KCNH3: variants seen among roughly 807,000 people sequenced by gnomAD.
KCNH3 encodes the protein voltage-gated inwardly rectifying potassium channel KCNH3.
KCNH3 carries 36 observed loss-of-function variants against 95.6 expected under a neutral mutation model. The observed-to-expected ratio is 0.38, with a 90% CI of 0.29 to 0.50. The LOEUF is 0.50. Ranked by LOEUF, KCNH3 falls within the 20% of genes least tolerant of loss-of-function variation. KCNH3 has a pLI of 0.95. For synonymous variants in KCNH3, 620 were observed against 646.3 expected (o/e 0.96, Z 0.62); for missense variants, 1,030 against 1,484.1 (o/e 0.69, Z 5.03).
At position 49,539,356 on chromosome 12, in the gene KCNH3, T is replaced by C. The variant is rs1937787977; in HGVS notation, c.-61T>C. On this transcript the variant is annotated 5_prime_UTR_variant, in exon 1 of 15. Coordinates refer to ENST00000257981, the MANE Select transcript of KCNH3 (RefSeq NM_012284.3). The surrounding 1 kb of genome is among the most constrained non-coding windows in gnomAD (Gnocchi z 6.7). Reference sequence around the variant, plus strand: ...CGGGGGGCGGCCGAGCTGGGCGCCCTCCCCCGGCGCGGAGTCCCCGCACCC... The same window carrying C: ...CGGGGGGCGGCCGAGCTGGGCGCCCCCCCCCGGCGCGGAGTCCCCGCACCC... 1.1e-5 allele frequency: 12 copies of C among 1,138,718 alleles called. 1 individual carries two copies. The highest frequency in any genetic ancestry group is 1.7e-5 in the African/African-American group (1 of 60,462). The allele number at this position is 1,138,718 out of a possible 1,614,324, so 70.5% of individuals were successfully genotyped here. A position where few individuals can be genotyped will look rare whatever the true frequency, so the allele number is the denominator to read the frequency against.
chr12:49,557,233 G>C lies in KCNH3; in HGVS notation c.2626G>C (p.Asp876His), dbSNP rs1286673269. ...TGGGCCCAGCGAGGCAAGGAACACA[G>C]ACACACTGGACAAGCTTCGGCAGGC... ...PHGPSEARNT[D>H]TLDKLRQAVT... The change falls in exon 14 of 15, where the codon GAC (aspartate) becomes CAC (histidine). Residue 876 changes from aspartate to histidine, a missense_variant. By Grantham distance (81) the Asp-to-His change is moderately conservative. Transcript: ENST00000257981. The C allele has an allele frequency of 6.2e-7, 1 of 1,613,914 alleles. No homozygotes were observed. Among genetic ancestry groups the C allele is most frequent in the Non-Finnish European group, 8.5e-7 (1 of 1,180,008 alleles).
chr12:49,557,138 T>G, intron 13 of KCNH3, 45 bp from the exon 14 acceptor site: 1 of 1,601,590 alleles, frequency 6.2e-7, no homozygotes, highest in Non-Finnish European at 8.6e-7. Flanking sequence ...ATTGCCTATC[T>G]CCTCTTACCA....
chr12:49,555,638 A>G lies in KCNH3; in HGVS notation c.2155A>G (p.Ser719Gly). ...TCCCTAGGTGGACACCAGCTCCCTG[A>G]GCGGCGACAATACCCTTATGTCCAC... is the stretch of plus-strand genomic sequence containing the variant. ...GSAEVDTSSL[S>G]GDNTLMSTLE... Residue 719 changes from serine to glycine, a missense_variant, in exon 12 of 15, where the codon AGC becomes GGC. Ser to Gly is a moderately conservative substitution (Grantham distance 56). This residue lies in a region of KCNH3 where 464 missense variants were observed against 493.2 expected (regional missense o/e 0.94). Coordinates refer to ENST00000257981, the MANE Select transcript of KCNH3 (RefSeq NM_012284.3). 3 of 1,550,792 alleles carry G rather than the reference A, an allele frequency of 1.9e-6. No homozygotes were observed. The highest frequency in any genetic ancestry group is 2.6e-6 in the Non-Finnish European group (3 of 1,143,978).
intron 11 of KCNH3, 37 bp from the exon 12 acceptor site, chr12:49,555,583 C>A (rs1305124551): frequency 2.2e-6 from 3 of 1,358,958 alleles, no homozygotes; most frequent in African/African-American, 2.9e-5. Flanking sequence ...ACAATAGTGA[C>A]CATCCATGCC....
rs909293528 is a variant in KCNH3 at position 49,539,333 on chromosome 12, G to T, written c.-84G>T. On this transcript the variant is annotated 5_prime_UTR_variant, in exon 1 of 15. Transcript: ENST00000257981. The surrounding 1 kb of genome is among the most constrained non-coding windows in gnomAD (Gnocchi z 6.7). Reference sequence around the variant, plus strand: ...GCGCTAGGGAGCGCGGGGCCCGGCGGGGGGCGGCCGAGCTGGGCGCCCTCC... The same window carrying T: ...GCGCTAGGGAGCGCGGGGCCCGGCGTGGGGCGGCCGAGCTGGGCGCCCTCC... The T allele has an allele frequency of 9.8e-6, 8 of 816,530 alleles. No homozygotes were observed. The highest frequency in any genetic ancestry group is 1.3e-5 in the Non-Finnish European group (8 of 600,660). 50.6% of individuals were successfully genotyped at this position (816,530 alleles called of 1,614,324 possible).
intron 10 of KCNH3, 73 bp downstream of exon 10, chr12:49,550,402 GGA>G: frequency 6.6e-7 from 1 of 1,508,866 alleles, no homozygotes; most frequent in Non-Finnish European, 8.9e-7. Flanking sequence ...TGGAAAACCT[GGA>G]GAGGGGACCT....
At position 49,554,489 on chromosome 12, in the gene KCNH3, C is replaced by T. The variant is rs775702381; in HGVS notation, c.2071C>T (p.Arg691Cys). ...TGCGCTGTACCCCGAGTTTGCCCCGCGCTTCAGTCGTGGCCTCCGAGGGGA... is the reference window on the plus strand; with the variant it reads ...TGCGCTGTACCCCGAGTTTGCCCCGTGCTTCAGTCGTGGCCTCCGAGGGGA... ...SLALYPEFAP[R>C]FSRGLRGELS... Residue 691 changes from arginine (R) to cysteine (C), a missense_variant, in exon 11 of 15, where the codon CGC (arginine) becomes TGC (cysteine). Around this residue, in one of 9 missense-constraint regions of KCNH3, gnomAD observed 160 missense variants for 316.2 expected, o/e 0.51. Transcript: ENST00000257981. 7 of 1,613,784 alleles carry T rather than the reference C, an allele frequency of 4.3e-6. No homozygotes were observed. The highest frequency in any genetic ancestry group is 1.1e-5 in the South Asian group (1 of 91,088).
chr12:49,541,094 A>G lies in KCNH3; in HGVS notation c.272A>G (p.Lys91Arg), dbSNP rs777669265. Residue 91 changes from lysine (K) to arginine (R), a missense_variant, in exon 2 of 15, where the codon AAG becomes AGG. Around this residue, in one of 9 missense-constraint regions of KCNH3, gnomAD observed 63 missense variants for 107.7 expected, o/e 0.59. Coordinates refer to ENST00000257981, the MANE Select transcript of KCNH3 (RefSeq NM_012284.3). ...ATCCGCAAGGCCCTGGACGAGCACA[A>G]GGAGTTCAAGGCTGAGCTGATCCTG... is the stretch of plus-strand genomic sequence containing the variant. ...QQIRKALDEH[K>R]EFKAELILYR... is the part of the protein sequence containing the mutation. 20 of 1,609,556 alleles carry G rather than the reference A, an allele frequency of 1.2e-5. No homozygotes were observed. The East Asian group carries it at 3.1e-4, about 25-fold the overall frequency.
chr12:49,550,892 T>A (rs1938235628), intron 10 of KCNH3, among the ~76,000 whole-genome samples: 1 of 152,092 alleles, frequency 6.6e-6, no homozygotes, highest in Non-Finnish European at 1.5e-5. Flanking sequence ...GGAAATCAGT[T>A]CCCTAGACGC....
At chr12:49,553,068 C>T (rs1301665188) in intron 10 of KCNH3, among the ~76,000 whole-genome samples, 5 of 152,138 alleles carry the variant, frequency 3.3e-5, no homozygotes, top group Non-Finnish European at 7.3e-5. Context: ...AACTGCCTGG[C>T]GGTGGTTGAG....
chr12:49,554,235 C>T, intron 10 of KCNH3, 102 bp from the exon 11 acceptor site: 1 of 914,446 alleles, frequency 1.1e-6, no homozygotes, highest in Non-Finnish European at 1.8e-6. Context: ...GCTACAGAGG[C>T]CCAGCCCAGC....
Position 49,555,657 on chromosome 12 carries a change from T to C in KCNH3, c.2174T>C (p.Met725Thr). 6.3e-7 allele frequency: 1 copy of C among 1,584,926 alleles called. No homozygotes were observed. Among genetic ancestry groups the C allele is most frequent in the Non-Finnish European group, 8.6e-7 (1 of 1,163,132 alleles). Residue 725 changes from methionine to threonine, a missense_variant, in exon 12 of 15, where the codon ATG becomes ACG. Met to Thr is a moderately conservative substitution (Grantham distance 81). Transcript: ENST00000257981. ...TSSLSGDNTL[M>T]STLEEKETDG... Reference sequence around the variant, plus strand: ...TCCCTGAGCGGCGACAATACCCTTATGTCCACGCTGGAGGAGAAGGAGACA... The same window carrying C: ...TCCCTGAGCGGCGACAATACCCTTACGTCCACGCTGGAGGAGAAGGAGACA...
intron 8 of KCNH3, 74 bp downstream of exon 8, chr12:49,549,247 C>A: frequency 6.6e-7 from 1 of 1,512,584 alleles, no homozygotes; most frequent in Non-Finnish European, 8.9e-7. Flanking sequence ...TCCCACTCCC[C>A]GGAGGGCCTG....
In KCNH3 at chr12:49,557,836, A is replaced by G; in HGVS notation, c.3135A>G (p.Pro1045=). 6.3e-7 allele frequency: 1 copy of G among 1,598,444 alleles called. No individual in the cohort carries two copies. The highest frequency in any genetic ancestry group is 8.5e-7 in the Non-Finnish European group (1 of 1,170,040). The change falls in exon 15 of 15, where the codon CCA becomes CCG. Residue 1045 remains proline, a synonymous_variant. Transcript: ENST00000257981. ...QAEATSTGEP[P]PGSGGLALPW... ...AGGCTACCAGCACTGGAGAGCCCCC[A>G]CCAGGGTCAGGGGGCCTGGCCTTGC...
chr12:49,540,948 G>A lies in KCNH3; in HGVS notation c.126G>A (p.Val42=), dbSNP rs1454007804. The change falls in exon 2 of 15, where the codon GTG becomes GTA. Residue 42 remains valine, a synonymous_variant. Transcript: ENST00000257981. ...GNAQVAGLFP[V]VYCSDGFCDL... is the part of the protein sequence containing the mutation. ...CCCAGGTGGCGGGGCTCTTCCCCGT[G>A]GTCTACTGCTCTGATGGCTTCTGTG... is the stretch of plus-strand genomic sequence containing the variant. 6.2e-7 allele frequency: 1 copy of A among 1,614,184 alleles called. No homozygotes were observed.
intron 9 of KCNH3, 113 bp downstream of exon 9, chr12:49,549,753 C>T (rs1938195532): frequency 9.5e-7 from 1 of 1,052,170 alleles, no homozygotes. Context: ...CCCTGTGCCT[C>T]CCTTCTCTCT....
chr12:49,549,536 C>T lies in KCNH3; in HGVS notation c.1564C>T (p.Arg522Cys). The T allele has an allele frequency of 6.2e-7, 1 of 1,613,642 alleles. No homozygotes were observed. The highest frequency in any genetic ancestry group is 8.5e-7 in the Non-Finnish European group (1 of 1,180,038). ...FLYHSRTRDL[R>C]DYIRIHRIPK... ...GTACCACAGCCGCACGCGCGACCTG[C>T]GCGACTACATCCGCATCCACCGTAT... The change falls in exon 9 of 15, where the codon CGC becomes TGC. Residue 522 changes from arginine (R) to cysteine (C), a missense_variant. Physicochemically the swap from Arg to Cys is radical, Grantham distance 180. Coordinates refer to ENST00000257981, the MANE Select transcript of KCNH3 (RefSeq NM_012284.3).
chr12:49,557,093 A>G lies in KCNH3; in HGVS notation c.2576-90A>G, dbSNP rs562838679. Reference sequence around the variant, plus strand: ...CTAGGAGTCAGGTCCTACCAGGTCAATGTGCTCTAACTGGGGCAAGGCCTA... The same window carrying G: ...CTAGGAGTCAGGTCCTACCAGGTCAGTGTGCTCTAACTGGGGCAAGGCCTA... On this transcript the variant is annotated intron_variant, in intron 13 of 14. Coordinates refer to ENST00000257981, the MANE Select transcript of KCNH3 (RefSeq NM_012284.3). 4.8e-6 allele frequency: 6 copies of G among 1,250,132 alleles called. No homozygotes were observed. In the Admixed American group the frequency reaches 1.0e-4, roughly 21 times the overall value. 77.4% of individuals were successfully genotyped at this position (1,250,132 alleles called of 1,614,324 possible).
chr12:49,554,350 G>T lies in KCNH3; in HGVS notation c.1932G>T (p.Leu644=). ...TVLAILGKGD[L]IGCELPRREQ... Reference sequence around the variant, plus strand: ...TCCTCTCCCCAGGGAAGGGCGACCTGATCGGCTGTGAGCTGCCCCGGCGGG... The same window carrying T: ...TCCTCTCCCCAGGGAAGGGCGACCTTATCGGCTGTGAGCTGCCCCGGCGGG... The change falls in exon 11 of 15, where the codon CTG becomes CTT. Residue 644 remains leucine (L), a synonymous_variant. Coordinates refer to ENST00000257981, the MANE Select transcript of KCNH3 (RefSeq NM_012284.3). 6.2e-7 allele frequency: 1 copy of T among 1,613,406 alleles called. No homozygotes were observed. Among genetic ancestry groups the T allele is most frequent in the Non-Finnish European group, 8.5e-7 (1 of 1,180,012 alleles).
Sources: allele counts gnomAD v4.1 joint callset (sites outside exome capture counted in the v4.1 genomes callset), GRCh38; gene constraint gnomAD v4.1.1; regional missense constraint gnomAD v4.1.1; non-coding constraint Gnocchi (gnomAD v3.1); transcripts MANE v1.5; gene names NCBI Gene and HGNC (gene_info 2026-07-23, HGNC 2026-07-21).